CNTN5: variants seen among roughly 807,000 people sequenced by gnomAD.
CNTN5 encodes the protein contactin 5.
A neutral mutation model predicts 129.1 loss-of-function variants in CNTN5; 77 were observed. The observed-to-expected ratio is 0.60, with a 90% confidence interval of 0.50 to 0.72. The LOEUF (loss-of-function observed/expected upper bound fraction) is 0.72, where lower values mean the gene tolerates loss of function less well. Ranked by LOEUF, CNTN5 falls within the 30% of genes least tolerant of loss-of-function variation. The pLI is 0.00. For missense variants in CNTN5, 1,478 were observed against 1,328.8 expected (o/e 1.11, Z -1.75); for synonymous variants, 509 against 465.6 (o/e 1.09, Z -1.20).
Position 99,045,429 on chromosome 11 carries a change from A to C in CNTN5, c.-210+24159A>C, listed in dbSNP as rs1167047863. Among the ~76,000 whole-genome samples the C allele has an allele frequency of 1.3e-5, 2 of 152,364 alleles. 1 individual carries two copies. The highest frequency in any genetic ancestry group is 3.9e-4 in the East Asian group (2 of 5,184). On this transcript the variant is annotated intron_variant, in intron 1 of 24. Transcript: ENST00000524871. The stretch of plus-strand genomic sequence containing the variant: ...TTTTCTAATCTGTGTGCAAATGAGC[A>C]TCTACGAAAGCATGTTTTTCATCTG...
chr11:99,287,680 G>A (rs1255974495), intron 1 of CNTN5, among the ~76,000 whole-genome samples: 1 of 151,876 alleles, frequency 6.6e-6, no homozygotes, highest in African/African-American at 2.4e-5. Flanking sequence ...TAATATTGTC[G>A]TGTGTTTCTC....
intron 18 of CNTN5, among the ~76,000 whole-genome samples, 167 bp from the exon 19 acceptor site, chr11:100,297,458 A>G (rs1460154002): frequency 6.6e-6 from 1 of 151,574 alleles, no homozygotes; most frequent in Admixed American, 6.6e-5. Flanking sequence ...GTGTATCAAA[A>G]TCTGCCACAT....
intron 9 of CNTN5, among the ~76,000 whole-genome samples, chr11:100,049,620 A>C (rs959640043): frequency 6.6e-6 from 1 of 152,170 alleles, no homozygotes; most frequent in Non-Finnish European, 1.5e-5. Context: ...CAGAATTGAC[A>C]AATGGGATCT....
At chr11:99,968,351 G>A (rs12577524) in intron 8 of CNTN5, among the ~76,000 whole-genome samples, 39,363 of 152,038 alleles carry the variant, frequency 0.26, 5,943 homozygotes, top group South Asian at 0.35. Flanking sequence ...TGGTGGTGGG[G>A]AGTCTATGAT....
At chr11:99,864,464 T>C (rs935713859) in intron 6 of CNTN5, among the ~76,000 whole-genome samples, 1 of 152,148 alleles carries the variant, frequency 6.6e-6, no homozygotes, top group African/African-American at 2.4e-5. Flanking sequence ...TTTTAGATGA[T>C]GTTTTTACCC....
At position 99,968,656 on chromosome 11, in the gene CNTN5, C is replaced by CT. The variant is rs71050037; in HGVS notation, c.877+11677dup. On this transcript the variant is annotated intron_variant, in intron 8 of 24. Coordinates refer to ENST00000524871, the MANE Select transcript of CNTN5 (RefSeq NM_014361.4). ...ATGGTAATTGGAATAGCTTTGGGTA[C>CT]TTTTTTTTTTTTTTTTTTTTTTTTT... is the stretch of plus-strand genomic sequence containing the variant. Among the ~76,000 whole-genome samples, 101 of 73,908 alleles carry CT rather than the reference C, an allele frequency of 1.4e-3. 8 individuals carry two copies. Among genetic ancestry groups the CT allele is most frequent in the South Asian group, 1.9e-3 (3 of 1,608 alleles). 48.5% of individuals were successfully genotyped at this position (73,908 alleles called of 152,430 possible). A position where few individuals can be genotyped will look rare whatever the true frequency, so the allele number is the denominator to read the frequency against.
chr11:99,449,358 T>C lies in CNTN5; in HGVS notation c.-70-106787T>C, dbSNP rs1366199364. Among the ~76,000 whole-genome samples the C allele has an allele frequency of 2.6e-5, 4 of 152,214 alleles. No individual in the cohort carries two copies. In the East Asian group the frequency reaches 7.7e-4, roughly 29 times the overall value. On this transcript the variant is annotated intron_variant, in intron 2 of 24. Transcript: ENST00000524871. ...TGAGTTTTAATCTTCCTCTGCAATC[T>C]GTTTCCCTGTGGAAAAAAAATGAAA...
chr11:100,071,871 A>C, intron 12 of CNTN5, 37 bp downstream of exon 12: 1 of 1,528,786 alleles, frequency 6.5e-7, no homozygotes, highest in Non-Finnish European at 8.7e-7. Context: ...GAAAAAAAAA[A>C]CCTTGCTTCT....
chr11:99,536,767 T>A (rs575954221), intron 2 of CNTN5, among the ~76,000 whole-genome samples: 1 of 150,110 alleles, frequency 6.7e-6, no homozygotes, highest in African/African-American at 2.4e-5. Flanking sequence ...ATGAGAAAAA[T>A]GCTTAGGAAG....
rs145554128 is a variant in CNTN5 at position 100,325,505 on chromosome 11, T to G, written c.2731-14958T>G. ...GTGTTTTCTAGGTTTTTCTTTCCTT[T>G]CATCTTTGTGCAGTGACCCAGCCTC... On this transcript the variant is annotated intron_variant, in intron 21 of 24. Transcript: ENST00000524871. 7.9e-5 allele frequency among the ~76,000 whole-genome samples: 12 copies of G among 152,300 alleles called. No homozygotes were observed. The East Asian group carries it at 1.9e-3, about 24-fold the overall frequency.
intron 8 of CNTN5, among the ~76,000 whole-genome samples, chr11:99,998,937 A>G (rs1036815158): frequency 4.6e-5 from 7 of 151,550 alleles, no homozygotes; most frequent in African/African-American, 7.3e-5. Flanking sequence ...TGGTGCTGGG[A>G]AAACTGGCTA....
intron 1 of CNTN5, among the ~76,000 whole-genome samples, chr11:99,037,576 C>CT (rs1161467398): frequency 0.035 from 3,729 of 105,616 alleles, 133 homozygotes; most frequent in African/African-American, 0.065. Context: ...TTTTTCTTTT[C>CT]TTTTTTTTTT....
intron 3 of CNTN5, among the ~76,000 whole-genome samples, chr11:99,659,109 G>T (rs1443928328): frequency 1.3e-5 from 2 of 151,854 alleles, no homozygotes; most frequent in African/African-American, 4.8e-5. Context: ...TGGAGGGTTG[G>T]GAATGAAAGA....
intron 13 of CNTN5, among the ~76,000 whole-genome samples, chr11:100,088,278 C>T (rs182721029): frequency 1.3e-5 from 2 of 151,716 alleles, no homozygotes; most frequent in African/African-American, 4.8e-5. Flanking sequence ...AAATGCCTAC[C>T]TTGAAACATG....
chr11:99,497,399 G>GA (rs35867382), intron 2 of CNTN5, among the ~76,000 whole-genome samples: 76,749 of 151,750 alleles, frequency 0.51, 19,725 homozygotes, highest in Admixed American at 0.57. Context: ...CTGTTAAGAA[G>GA]AAAAATGCTC....
intron 2 of CNTN5, among the ~76,000 whole-genome samples, chr11:99,474,314 A>T (rs1274388113): frequency 1.3e-5 from 2 of 152,086 alleles, no homozygotes; most frequent in Non-Finnish European, 2.9e-5. Flanking sequence ...CATCAAAAAA[A>T]TACCCATCCT....
At chr11:99,666,621 G>A (rs1235900093) in intron 3 of CNTN5, among the ~76,000 whole-genome samples, 1 of 152,190 alleles carries the variant, frequency 6.6e-6, no homozygotes, top group South Asian at 2.1e-4. Context: ...GTCTTACAGA[G>A]TCTCCATGCT....
chr11:100,351,687 G>A (rs1952417957), intron 24 of CNTN5, among the ~76,000 whole-genome samples: 1 of 148,536 alleles, frequency 6.7e-6, no homozygotes, highest in African/African-American at 2.5e-5. Context: ...CAAAAATTAG[G>A]CAAATTTCTA....
intron 2 of CNTN5, among the ~76,000 whole-genome samples, chr11:99,421,134 AG>A (rs1385329691): frequency 1.3e-5 from 2 of 149,018 alleles, no homozygotes; most frequent in Non-Finnish European, 3.0e-5. Context: ...TTATTCATTG[AG>A]GTTTTTTTTT....
Sources: allele counts gnomAD v4.1 joint callset (sites outside exome capture counted in the v4.1 genomes callset), GRCh38; gene constraint gnomAD v4.1.1; transcripts MANE v1.5; gene names NCBI Gene and HGNC (gene_info 2026-07-23, HGNC 2026-07-21).